The following HMMR variants were observed in gnomAD, a reference collection of about 807,000 sequenced individuals.
The protein encoded by HMMR is hyaluronan mediated motility receptor, also known as intracellular hyaluronic acid-binding protein.
In HMMR, 108 loss-of-function variants were observed where a neutral mutation model predicts 101.0. That is an observed-to-expected ratio of 1.07 (90% CI 0.92 to 1.25). The LOEUF (loss-of-function observed/expected upper bound fraction) is 1.25. HMMR is among the 50% of genes most tolerant of loss of function. The pLI, the probability that HMMR is intolerant of heterozygous loss-of-function variation, is 0.00. For synonymous variants in HMMR, 296 were observed against 276.4 expected, an observed-to-expected ratio of 1.07 and a Z score of -0.70; for missense variants, 813 against 788.7, an observed-to-expected ratio of 1.03 and a Z score of -0.37.
intron 4 of HMMR, among the ~76,000 whole-genome samples, chr5:163,468,386 G>T (rs1758766662): frequency 6.6e-6 from 1 of 152,120 alleles, no homozygotes; most frequent in East Asian, 1.9e-4. Flanking sequence ...AATTTCTATT[G>T]AACAGTACTA....
chr5:163,468,551 T>G (rs879414010), intron 4 of HMMR, among the ~76,000 whole-genome samples: 3 of 152,240 alleles, frequency 2.0e-5, no homozygotes, highest in Non-Finnish European at 4.4e-5. Flanking sequence ...TTGATTACAG[T>G]CGAATGTTGG....
chr5:163,481,580 T>C (rs1210903444), intron 12 of HMMR, among the ~76,000 whole-genome samples: 3 of 152,210 alleles, frequency 2.0e-5, no homozygotes, highest in Non-Finnish European at 4.4e-5. Context: ...TTCCATTGCT[T>C]TCTACCCCTA....
Position 163,475,586 on chromosome 5 carries a change from A to G in HMMR, c.1182A>G (p.Glu394=). Residue 394 remains glutamate (E), a synonymous_variant, in exon 11 of 18, where the codon GAA becomes GAG. Coordinates refer to ENST00000393915, the MANE Select transcript of HMMR (RefSeq NM_001142556.2). ...DELDKLQQKE[E]QAERLVKQLE... ...TTGATAAATTACAGCAAAAGGAGGA[A>G]CAAGCTGAAAGGCTGGTCAAGCAAT... is the stretch of plus-strand genomic sequence containing the variant. The G allele has an allele frequency of 6.2e-6, 10 of 1,613,008 alleles. No homozygotes were observed. Among genetic ancestry groups the G allele is most frequent in the Non-Finnish European group, 8.5e-6 (10 of 1,179,134 alleles).
rs766280399 is a variant in HMMR, at chr5:163,475,667, G to C, written c.1263G>C (p.Leu421=). The change falls in exon 11 of 18, where the codon CTG becomes CTC. Residue 421 remains leucine (L), a synonymous_variant. Coordinates refer to ENST00000393915, the MANE Select transcript of HMMR (RefSeq NM_001142556.2). ...AEELKLLEEK[L]KGKEAELEKS... Reference sequence around the variant, plus strand: ...AATTAAAACTCCTAGAAGAAAAGCTGAAAGGGTTTGTATTAATAGGATCTC... The same window carrying C: ...AATTAAAACTCCTAGAAGAAAAGCTCAAAGGGTTTGTATTAATAGGATCTC... 5.1e-6 allele frequency: 8 copies of C among 1,576,850 alleles called. No homozygotes were observed. The Admixed American group carries it at 1.4e-4, about 27-fold the overall frequency.
chr5:163,470,500 GT>G (rs1317154527), intron 5 of HMMR, among the ~76,000 whole-genome samples: 1 of 151,982 alleles, frequency 6.6e-6, no homozygotes, highest in Non-Finnish European at 1.5e-5. Flanking sequence ...GCGTACACCC[GT>G]AATTCCAGCT....
chr5:163,480,405 T>C lies in HMMR; in HGVS notation c.1385+1605T>C, dbSNP rs189301394. ...TGAATTGTGTTGTCTGAGGCTATGG[T>C]TTGTTGATAGTCACTGCTATGAGTA... is the stretch of plus-strand genomic sequence containing the variant. On this transcript the variant is annotated intron_variant, in intron 12 of 17. Coordinates refer to ENST00000393915, the MANE Select transcript of HMMR (RefSeq NM_001142556.2). 2.9e-4 allele frequency among the ~76,000 whole-genome samples: 44 copies of C among 152,330 alleles called. No individual in the cohort carries two copies. In the South Asian group the frequency reaches 7.2e-3, roughly 25 times the overall value.
chr5:163,486,366 T>C lies in HMMR; in HGVS notation c.1962+2121T>C, dbSNP rs373316928. Reference sequence around the variant, plus strand: ...TTTTCCACTTCTCTTGTTAAATTTATTACTATTTTATTCTTTTTGATGTTT... The same window carrying C: ...TTTTCCACTTCTCTTGTTAAATTTACTACTATTTTATTCTTTTTGATGTTT... On this transcript the variant is annotated intron_variant, in intron 16 of 17. Coordinates refer to ENST00000393915, the MANE Select transcript of HMMR (RefSeq NM_001142556.2). Among the ~76,000 whole-genome samples, 8 of 152,360 alleles carry C rather than the reference T, an allele frequency of 5.3e-5. No homozygotes were observed. The South Asian group carries it at 1.7e-3, about 32-fold the overall frequency.
intron 11 of HMMR, among the ~76,000 whole-genome samples, chr5:163,478,377 T>G (rs915792747): frequency 2.0e-5 from 3 of 152,236 alleles, no homozygotes; most frequent in Non-Finnish European, 2.9e-5. Flanking sequence ...ACTGGTAATC[T>G]TTTGCAGTCT....
chr5:163,481,308 T>TTA lies in HMMR; in HGVS notation c.1386-1322_1386-1321dup, dbSNP rs563173373. On this transcript the variant is annotated intron_variant, in intron 12 of 17. Coordinates refer to ENST00000393915, the MANE Select transcript of HMMR (RefSeq NM_001142556.2). Reference sequence around the variant, plus strand: ...TAAATCATATAAATATATGTAAATTTTATATATATATATTTATTGCTAATA... The same window carrying TTA: ...TAAATCATATAAATATATGTAAATTTTATATATATATATATTTATTGCTAATA... Among the ~76,000 whole-genome samples the TTA allele has an allele frequency of 7.7e-4, 116 of 150,910 alleles. 2 individuals are homozygous for TTA. The South Asian group carries it at 0.023, about 30-fold the overall frequency.
intron 12 of HMMR, among the ~76,000 whole-genome samples, chr5:163,481,457 AC>A (rs1224433863): frequency 6.6e-5 from 10 of 152,108 alleles, no homozygotes; most frequent in Admixed American, 3.9e-4. Context: ...ATTTCATCAA[AC>A]CAGACCTTTC....
chr5:163,474,002 T>C, intron 9 of HMMR, 55 bp from the exon 10 acceptor site: 1 of 1,432,900 alleles, frequency 7.0e-7, no homozygotes, highest in Non-Finnish European at 9.6e-7. Flanking sequence ...TCCAGGTTTC[T>C]CAGTCTTAAT....
In HMMR at chr5:163,473,243, G is replaced by A. The variant is rs764564030; in HGVS notation, c.715G>A (p.Glu239Lys). ...AACAGAAAAACTCTTGGAATACATC[G>A]AAGAAATTAGGTAATATGAGCAGTA... ...SETEKLLEYIEEISCASDQVE... is the reference protein window; with the variant it reads ...SETEKLLEYIKEISCASDQVE... Residue 239 changes from glutamate (E) to lysine (K), a missense_variant, in exon 8 of 18, where the codon GAA becomes AAA. Coordinates refer to ENST00000393915, the MANE Select transcript of HMMR (RefSeq NM_001142556.2). 14 of 1,563,466 alleles carry A rather than the reference G, an allele frequency of 9.0e-6. No individual in the cohort carries two copies. The highest frequency in any genetic ancestry group is 4.5e-5 in the East Asian group (2 of 44,428).
intron 1 of HMMR, 53 bp from the exon 2 acceptor site, chr5:163,463,803 T>A (rs1185169332): frequency 4.4e-6 from 3 of 689,142 alleles, no homozygotes; most frequent in Non-Finnish European, 6.7e-6. Flanking sequence ...ATGTTTTAAC[T>A]TAAGATCATA....
Position 163,471,462 on chromosome 5 carries a change from C to G in HMMR, c.649C>G (p.Leu217Val). ...GAAAATAGCCCAACTGGAGGGAAAACTGTAAGTGAGTGAATGTGAAGAGAA... is the reference window on the plus strand; with the variant it reads ...GAAAATAGCCCAACTGGAGGGAAAAGTGTAAGTGAGTGAATGTGAAGAGAA... Reference protein sequence around the residue: ...QGKIAQLEGKLVSIEKEKIDE... With the variant: ...QGKIAQLEGKVVSIEKEKIDE... The change falls in exon 7 of 18, where the codon CTT becomes GTT. Residue 217 changes from leucine (L) to valine (V), a missense_variant and splice_region_variant. Transcript: ENST00000393915. 1.3e-6 allele frequency: 2 copies of G among 1,593,396 alleles called. No individual in the cohort carries two copies. Among genetic ancestry groups the G allele is most frequent in the Non-Finnish European group, 1.7e-6 (2 of 1,161,606 alleles).
intron 1 of HMMR, among the ~76,000 whole-genome samples, chr5:163,463,347 G>A (rs1758600323): frequency 6.6e-6 from 1 of 152,196 alleles, no homozygotes; most frequent in Non-Finnish European, 1.5e-5. Context: ...CTCTAGTGTG[G>A]TTGCTTTTCT....
rs2230363 is a variant in HMMR at position 163,484,069 on chromosome 5, C to T, written c.1786C>T (p.Leu596=). ...ACTTTATTTAAAAAATCTTTTTCAG[C>T]TACAACTAGATGCTTTTGAAGTAGA... ...ELYNKTKPFQ[L]QLDAFEVEKQ... The change falls in exon 16 of 18, where the codon CTA becomes TTA. Residue 596 remains leucine, a splice_region_variant and synonymous_variant. Coordinates refer to ENST00000393915, the MANE Select transcript of HMMR (RefSeq NM_001142556.2). 2.6e-6 allele frequency: 4 copies of T among 1,568,236 alleles called. No individual in the cohort carries two copies. In the African/African-American group the frequency reaches 4.1e-5, roughly 16 times the overall value.
Position 163,490,486 on chromosome 5 carries a change from G to C in HMMR, c.2059G>C (p.Asp687His). The C allele has an allele frequency of 6.2e-7, 1 of 1,604,510 alleles. No homozygotes were observed. The highest frequency in any genetic ancestry group is 8.5e-7 in the Non-Finnish European group (1 of 1,176,982). ...LNKVLGIKHF[D>H]PSKAFHHESK... Reference sequence around the variant, plus strand: ...TAAAGTTCTAGGTATCAAACACTTTGATCCTTCAAAGGCTTTTCATCATGA... The same window carrying C: ...TAAAGTTCTAGGTATCAAACACTTTCATCCTTCAAAGGCTTTTCATCATGA... The change falls in exon 17 of 18, where the codon GAT becomes CAT. Residue 687 changes from aspartate to histidine, a missense_variant. By Grantham distance (81) the Asp-to-His change is moderately conservative (BLOSUM62 -1). Coordinates refer to ENST00000393915, the MANE Select transcript of HMMR (RefSeq NM_001142556.2).
rs1759707010 is a variant in HMMR, at chr5:163,491,855, T to C, written c.*691T>C. 1 of 152,230 alleles carries C rather than the reference T, an allele frequency of 6.6e-6. No individual in the cohort carries two copies. Among genetic ancestry groups the C allele is most frequent in the South Asian group, 2.1e-4 (1 of 4,834 alleles). The allele number at this position is 152,230 out of a possible 1,614,324, so 9.4% of individuals were successfully genotyped here. On this transcript the variant is annotated 3_prime_UTR_variant, in exon 18 of 18. Transcript: ENST00000393915. ...AACTATTTCTTCAGAGTTTGTCATA[T>C]ACTGCTTGTCATCTGCATGTCTACT... is the stretch of plus-strand genomic sequence containing the variant.
rs185422879 is a variant in HMMR at position 163,464,082 on chromosome 5, G to C, written c.145+128G>C. ...CTAGAACTATATTTAAATTTTATTT[G>C]ATGGATTTATGAAAGGGTCAAGTAC... On this transcript the variant is annotated intron_variant, in intron 2 of 17. Transcript: ENST00000393915. The C allele has an allele frequency of 5.9e-3, 2,496 of 419,712 alleles. 12 individuals carry two copies. Among genetic ancestry groups the C allele is most frequent in the Admixed American group, 1.0e-2 (224 of 22,430 alleles). The allele number at this position is 419,712 out of a possible 1,614,324, so 26.0% of individuals were successfully genotyped here. A position where few individuals can be genotyped will look rare whatever the true frequency, so the allele number is the denominator to read the frequency against.
Sources: gnomAD v4.1 joint callset for allele counts (sites outside exome capture counted in the v4.1 genomes callset) on GRCh38, gnomAD v4.1.1 for gene constraint, MANE v1.5 for transcripts, NCBI Gene and HGNC (gene_info 2026-07-23, HGNC 2026-07-21) for gene names.